Variants in ACADM observed in about 807,000 individuals in gnomAD.
ACADM encodes medium-chain specific acyl-CoA dehydrogenase, mitochondrial.
A neutral mutation model predicts 58.9 loss-of-function variants in ACADM; 49 were observed. That is an observed-to-expected ratio of 0.83 (90% CI 0.66 to 1.06). The LOEUF (loss-of-function observed/expected upper bound fraction) is 1.06, where lower values mean the gene tolerates loss of function less well. ACADM is among the 50% of genes least tolerant of loss of function. The pLI, the probability that ACADM is intolerant of heterozygous loss-of-function variation, is 0.00. For synonymous variants in ACADM, 160 were observed against 157.7 expected (o/e 1.01, Z -0.11); for missense variants, 496 against 507.0 (o/e 0.98, Z 0.21).
chr1:75,761,407 A>C (rs750645947), intron 11 of ACADM, 37 bp downstream of exon 11: 1 of 1,606,906 alleles, frequency 6.2e-7, no homozygotes, highest in South Asian at 1.1e-5. Flanking sequence ...TTGCAAGGAG[A>C]GAGAATATTC....
At position 75,740,155 on chromosome 1, in the gene ACADM, T is replaced by G; in HGVS notation, c.599+45T>G. The G allele has an allele frequency of 1.9e-6, 3 of 1,544,812 alleles. No homozygotes were observed. The South Asian group carries it at 3.4e-5, about 17-fold the overall frequency. ...TTTGTATATTTTTTCTTAATTGTTT[T>G]ATCTTCAAATCTCTCTTTCTTTCTG... On this transcript the variant is annotated intron_variant, in intron 7 of 11. Transcript: ENST00000370841.
At chr1:75,725,241 G>GAA (rs72165091) in intron 1 of ACADM, among the ~76,000 whole-genome samples, 2 of 148,326 alleles carry the variant, frequency 1.3e-5, no homozygotes, top group African/African-American at 4.9e-5. Context: ...TTGCTTACGG[G>GAA]AAAAAAAAAA....
At chr1:75,735,559 A>G (rs1647233653) in intron 6 of ACADM, among the ~76,000 whole-genome samples, 1 of 152,078 alleles carries the variant, frequency 6.6e-6, no homozygotes, top group Non-Finnish European at 1.5e-5. Context: ...GAATTAGTAA[A>G]AAATTAATGT....
chr1:75,762,524 A>G (rs942919485), intron 11 of ACADM, among the ~76,000 whole-genome samples, 168 bp from the exon 12 acceptor site: 2 of 152,128 alleles, frequency 1.3e-5, no homozygotes, highest in Admixed American at 1.3e-4. Context: ...CCATATTTTC[A>G]GACTTTCACA....
intron 10 of ACADM, among the ~76,000 whole-genome samples, chr1:75,752,043 C>A (rs1648236719): frequency 6.8e-6 from 1 of 147,298 alleles, no homozygotes; most frequent in South Asian, 2.1e-4. Context: ...AATGCGAGTG[C>A]AATGGTGCAG....
At chr1:75,743,645 CA>C (rs1321882575) in intron 7 of ACADM, 4 of 1,502,142 alleles carry the variant, frequency 2.7e-6, no homozygotes, top group Non-Finnish European at 3.7e-6. Context: ...AAGAGTGAGC[CA>C]AAAACACCTC....
intron 10 of ACADM, 46 bp from the exon 11 acceptor site, chr1:75,761,076 A>T: frequency 6.4e-7 from 1 of 1,572,952 alleles, no homozygotes; most frequent in Non-Finnish European, 8.6e-7. Flanking sequence ...AAAACTTTTA[A>T]GTTTTCTCAA....
In ACADM at chr1:75,724,826, G is replaced by A. The variant is rs770961707; in HGVS notation, c.30+9G>A. ...TCGGGCGATGCTGCAGGGTGAGAGGGAGCCCAGCGGTGCGGTGGGGCTGGA... is the reference window on the plus strand; with the variant it reads ...TCGGGCGATGCTGCAGGGTGAGAGGAAGCCCAGCGGTGCGGTGGGGCTGGA... On this transcript the variant is annotated intron_variant, in intron 1 of 11. Coordinates refer to ENST00000370841, the MANE Select transcript of ACADM (RefSeq NM_000016.6). The A allele has an allele frequency of 4.7e-6, 7 of 1,483,066 alleles. No homozygotes were observed. The highest frequency in any genetic ancestry group is 6.3e-6 in the Non-Finnish European group (7 of 1,112,276). The allele number at this position is 1,483,066 out of a possible 1,614,324, so 91.9% of individuals were successfully genotyped here. A position where few individuals can be genotyped will look rare whatever the true frequency, so the allele number is the denominator to read the frequency against.
intron 8 of ACADM, among the ~76,000 whole-genome samples, chr1:75,747,470 G>A (rs1349557133): frequency 6.6e-6 from 1 of 152,080 alleles, no homozygotes; most frequent in East Asian, 1.9e-4. Flanking sequence ...GAAACAAATG[G>A]ATATTTACAA....
intron 6 of ACADM, among the ~76,000 whole-genome samples, chr1:75,737,685 A>G (rs557870569): frequency 3.3e-5 from 5 of 151,990 alleles, no homozygotes; most frequent in Non-Finnish European, 7.4e-5. Context: ...ATGTTTTTAT[A>G]CCTCAGGTGC....
In ACADM at chr1:75,724,786, A is replaced by G. The variant is rs764998071; in HGVS notation, c.-2A>G. ...GTCCGAGTGGCCGGAACGGGAGCCA[A>G]CATGGCAGCGGGGTTCGGGCGATGC... On this transcript the variant is annotated 5_prime_UTR_variant, in exon 1 of 12. Coordinates refer to ENST00000370841, the MANE Select transcript of ACADM (RefSeq NM_000016.6). The G allele has an allele frequency of 3.9e-6, 6 of 1,524,188 alleles. No homozygotes were observed. In the South Asian group the frequency reaches 6.3e-5, roughly 16 times the overall value. The allele number at this position is 1,524,188 out of a possible 1,614,324, so 94.4% of individuals were successfully genotyped here.
At chr1:75,748,964 G>A (rs1320430132) in intron 8 of ACADM, among the ~76,000 whole-genome samples, 1 of 152,112 alleles carries the variant, frequency 6.6e-6, no homozygotes, top group Non-Finnish European at 1.5e-5. Flanking sequence ...TAAGATTAAA[G>A]GTCTCAAATC....
chr1:75,760,148 C>T (rs984037858), intron 10 of ACADM, among the ~76,000 whole-genome samples: 22 of 149,100 alleles, frequency 1.5e-4, no homozygotes, highest in Admixed American at 4.0e-4. Flanking sequence ...AGGCCGAGTG[C>T]GGTGGCTCAC....
At chr1:75,760,206 C>G (rs889041743) in intron 10 of ACADM, among the ~76,000 whole-genome samples, 109 of 135,978 alleles carry the variant, frequency 8.0e-4, no homozygotes, top group Non-Finnish European at 1.3e-3. Flanking sequence ...GGATCACCTG[C>G]GATCAGGAGT....
intron 2 of ACADM, among the ~76,000 whole-genome samples, chr1:75,731,716 G>A (rs908545099): frequency 1.3e-5 from 2 of 152,094 alleles, no homozygotes; most frequent in Non-Finnish European, 2.9e-5. Flanking sequence ...TAATTTATAA[G>A]CTTGTCTGAG....
rs1442356585 is a variant in ACADM at position 75,734,833 on chromosome 1, A to T, written c.430A>T (p.Lys144Ter). Residue 144 changes from lysine (K) to a stop codon, truncating the protein, a stop_gained, in exon 6 of 12, where the codon AAG (lysine) becomes TAG (stop). Coordinates refer to ENST00000370841, the MANE Select transcript of ACADM (RefSeq NM_000016.6). LOFTEE classifies it high-confidence loss of function. The part of the protein sequence containing the change: ...IIAGNDQQKK[K>*]YLGRMTEEPL... ...TGCTGGAAATGATCAACAAAAGAAGAAGTATTTGGGGAGAATGACTGAGGA... is the reference window on the plus strand; with the variant it reads ...TGCTGGAAATGATCAACAAAAGAAGTAGTATTTGGGGAGAATGACTGAGGA... 2 of 1,613,838 alleles carry T rather than the reference A, an allele frequency of 1.2e-6. No homozygotes were observed. Among genetic ancestry groups the T allele is most frequent in the East Asian group, 2.2e-5 (1 of 44,872 alleles).
chr1:75,733,242 C>G, intron 4 of ACADM: 1 of 1,520,044 alleles, frequency 6.6e-7, no homozygotes, highest in African/African-American at 1.4e-5. Context: ...AACCATGATT[C>G]TTTTCCTCAG....
rs527275527 is a variant in ACADM, at chr1:75,743,563, A to G, written c.600-2243A>G. On this transcript the variant is annotated intron_variant, in intron 7 of 11. Coordinates refer to ENST00000370841, the MANE Select transcript of ACADM (RefSeq NM_000016.6). The stretch of plus-strand genomic sequence containing the variant: ...GGGCTGCACCTCTACCTTGCCTCCT[A>G]TAGCCACTGGCTTGTCAAAGATGCC... The G allele has an allele frequency of 1.2e-4, 188 of 1,593,336 alleles. 3 individuals are homozygous for G. The South Asian group carries it at 1.8e-3, about 15-fold the overall frequency.
intron 6 of ACADM, 99 bp downstream of exon 6, chr1:75,734,970 A>G (rs1647216598): frequency 1.1e-6 from 1 of 918,476 alleles, no homozygotes; most frequent in Admixed American, 2.1e-5. Flanking sequence ...GATATTTAGC[A>G]TTGAAACAAA....
Sources: gnomAD v4.1 joint callset for allele counts (sites outside exome capture counted in the v4.1 genomes callset) on GRCh38, gnomAD v4.1.1 for gene constraint, MANE v1.5 for transcripts, NCBI Gene and HGNC (gene_info 2026-07-23, HGNC 2026-07-21) for gene names.